Variants in NF1 observed in about 807,000 individuals in gnomAD.
NF1 encodes the protein neurofibromin.
In NF1, 122 loss-of-function variants were observed where a neutral mutation model predicts 325.7. The observed-to-expected ratio is 0.37, with a 90% CI of 0.32 to 0.44. The LOEUF is 0.44. Among genes scored for constraint, NF1 ranks in the 20% least tolerant of loss-of-function variants. The pLI, the probability that NF1 is intolerant of heterozygous loss-of-function variation, is 1.00. For missense variants in NF1, 2,140 were observed against 3,415.4 expected (o/e 0.63, Z 9.31); for synonymous variants, 1,091 against 1,186.0 (o/e 0.92, Z 1.65).
chr17:31,200,616 C>T lies in NF1; in HGVS notation c.1062+21C>T, dbSNP rs373854997. On this transcript the variant is annotated intron_variant, in intron 9 of 57. Transcript: ENST00000358273. ...TTAAGGTAACATGCTTATTCTTTCT[C>T]TACTACAAACTTTAAGAAAATTAAA... 3.1e-6 allele frequency: 5 copies of T among 1,611,120 alleles called. No individual in the cohort carries two copies. In the South Asian group the frequency reaches 5.5e-5, roughly 18 times the overall value.
At position 31,336,970 on chromosome 17, in the gene NF1, C is replaced by T. The variant is rs2151555408; in HGVS notation, c.6427+56C>T. On this transcript the variant is annotated intron_variant, in intron 42 of 57. Transcript: ENST00000358273. The surrounding 1 kb of genome is among the most constrained non-coding windows in gnomAD (Gnocchi z 5.5). ...CAGTTCCTTTCTCCATTTTACTTCA[C>T]CTGATCAATATAGATTATCTTATTT... The T allele has an allele frequency of 6.5e-7, 1 of 1,547,222 alleles. No homozygotes were observed. Among genetic ancestry groups the T allele is most frequent in the South Asian group, 1.1e-5 (1 of 89,178 alleles).
In NF1 at chr17:31,229,638, C is replaced by G. The variant is rs1261206278; in HGVS notation, c.2850+173C>G. On this transcript the variant is annotated intron_variant, in intron 21 of 57. Coordinates refer to ENST00000358273, the MANE Select transcript of NF1 (RefSeq NM_001042492.3). ...GGGGTCAGCTTGCCTCTTAGGAACT[C>G]TGGTGTGTATGTGTGCCTAAGGGTA... 8.3e-6 allele frequency: 8 copies of G among 968,426 alleles called. No individual in the cohort carries two copies. The East Asian group carries it at 1.7e-4, about 21-fold the overall frequency. The allele number at this position is 968,426 out of a possible 1,614,324, so 60.0% of individuals were successfully genotyped here.
At chr17:31,235,579 T>A (rs575184093) in intron 27 of NF1, 32 bp from the exon 28 acceptor site, 8 of 1,612,852 alleles carry the variant, frequency 5.0e-6, no homozygotes, top group Non-Finnish European at 6.8e-6. Context: ...AATGGGATTG[T>A]TTGCACTAAC....
At chr17:31,256,181 C>T (rs1317408586) in intron 31 of NF1, among the ~76,000 whole-genome samples, 1 of 152,140 alleles carries the variant, frequency 6.6e-6, no homozygotes, top group Non-Finnish European at 1.5e-5. Context: ...CTCTCTGTCA[C>T]CCAGATTGGA....
intron 36 of NF1, among the ~76,000 whole-genome samples, chr17:31,315,058 T>C (rs2068986042): frequency 6.6e-6 from 1 of 152,226 alleles, no homozygotes; most frequent in Non-Finnish European, 1.5e-5. Context: ...TCAGTGGTGC[T>C]GAGTACCCTT....
chr17:31,334,375 C>T (rs573904553), intron 39 of NF1, among the ~76,000 whole-genome samples: 3 of 152,230 alleles, frequency 2.0e-5, no homozygotes, highest in East Asian at 1.9e-4. Context: ...GCATAATCCC[C>T]GTTTTTGCGG....
chr17:31,195,407 A>C (rs1049832770), intron 8 of NF1, among the ~76,000 whole-genome samples: 1 of 152,090 alleles, frequency 6.6e-6, no homozygotes, highest in Admixed American at 6.5e-5. Flanking sequence ...GTAACATCAA[A>C]TTTACCATCT....
chr17:31,206,337 G>A lies in NF1; in HGVS notation c.1358G>A (p.Gly453Asp), dbSNP rs876660915. ...FGETLHKAVQGCGAHPAIRMA... is the reference protein window; with the variant it reads ...FGETLHKAVQDCGAHPAIRMA... ...GAAACACTTCATAAAGCAGTGCAAG[G>A]TTGTGGAGCACACCCAGCAATACGA... Residue 453 changes from glycine (G) to aspartate (D), a missense_variant, in exon 12 of 58, where the codon GGT becomes GAT. Coordinates refer to ENST00000358273, the MANE Select transcript of NF1 (RefSeq NM_001042492.3). The A allele has an allele frequency of 2.5e-6, 4 of 1,613,804 alleles. No homozygotes were observed. Among genetic ancestry groups the A allele is most frequent in the Non-Finnish European group, 3.4e-6 (4 of 1,179,762 alleles).
At chr17:31,221,645 T>G (rs2066922509) in intron 14 of NF1, among the ~76,000 whole-genome samples, 1 of 152,186 alleles carries the variant, frequency 6.6e-6, no homozygotes, top group Non-Finnish European at 1.5e-5. Context: ...ATGATGGGAA[T>G]AAAATGATTT....
At chr17:31,298,889 A>G (rs1308998447) in intron 36 of NF1, among the ~76,000 whole-genome samples, 2 of 152,058 alleles carry the variant, frequency 1.3e-5, no homozygotes, top group Non-Finnish European at 2.9e-5. Context: ...ATTTTAGGAA[A>G]CCTCATTAAG....
intron 11 of NF1, among the ~76,000 whole-genome samples, chr17:31,204,596 G>GA (rs17880367): frequency 0.015 from 2,278 of 151,982 alleles, 25 homozygotes; most frequent in Admixed American, 0.024. Flanking sequence ...TATGAAAAAT[G>GA]AAAACTATGA....
intron 50 of NF1, among the ~76,000 whole-genome samples, chr17:31,350,968 A>C (rs1384465665): frequency 1.3e-5 from 2 of 152,218 alleles, no homozygotes; most frequent in Non-Finnish European, 2.9e-5. Context: ...CATTCCATTT[A>C]TCAACATCCT....
intron 8 of NF1, among the ~76,000 whole-genome samples, chr17:31,196,445 G>C (rs1374339474): frequency 6.6e-6 from 1 of 152,004 alleles, no homozygotes; most frequent in African/African-American, 2.4e-5. Context: ...CCCCTTATGA[G>C]ATACATTATT....
At chr17:31,122,550 G>T (rs1424543290) in intron 1 of NF1, among the ~76,000 whole-genome samples, 3 of 152,114 alleles carry the variant, frequency 2.0e-5, no homozygotes, top group Non-Finnish European at 4.4e-5. Flanking sequence ...GTATCACATT[G>T]TTTTATTTTG....
chr17:31,145,559 C>T (rs1597613929), intron 1 of NF1, among the ~76,000 whole-genome samples: 2 of 152,222 alleles, frequency 1.3e-5, no homozygotes, highest in Admixed American at 6.5e-5. Flanking sequence ...AGAGCTTCCC[C>T]TGAACACCTT....
At chr17:31,358,674 G>A (rs778691994) in intron 55 of NF1, 52 bp downstream of exon 55, 12 of 1,596,188 alleles carry the variant, frequency 7.5e-6, no homozygotes, top group Non-Finnish European at 1.0e-5. Context: ...TAACATGCGC[G>A]CTGTTGTAGA....
intron 36 of NF1, among the ~76,000 whole-genome samples, chr17:31,290,851 C>A (rs1307493946): frequency 2.0e-5 from 3 of 151,962 alleles, no homozygotes; most frequent in African/African-American, 7.3e-5. Flanking sequence ...ACTAAAAATA[C>A]AAAAATTAGC....
At chr17:31,104,995 C>T (rs140398049) in intron 1 of NF1, among the ~76,000 whole-genome samples, 1 of 152,168 alleles carries the variant, frequency 6.6e-6, no homozygotes, top group East Asian at 1.9e-4. Context: ...GCCTCGAACT[C>T]CTGGGCTCAA....
chr17:31,301,200 T>G (rs1056898555), intron 36 of NF1, among the ~76,000 whole-genome samples: 6 of 152,120 alleles, frequency 3.9e-5, no homozygotes, highest in African/African-American at 1.4e-4. Flanking sequence ...TTTTATTGCC[T>G]CTGGATTTTG....
Sources: gnomAD v4.1 joint callset for allele counts (sites outside exome capture counted in the v4.1 genomes callset) on GRCh38, gnomAD v4.1.1 for gene constraint, Gnocchi (gnomAD v3.1) non-coding constraint, MANE v1.5 for transcripts, NCBI Gene and HGNC (gene_info 2026-07-23, HGNC 2026-07-21) for gene names.